The following CTNND2 variants were observed in gnomAD, a reference collection of about 807,000 sequenced individuals.
The protein encoded by CTNND2 is catenin delta-2.
A neutral mutation model predicts 144.4 loss-of-function variants in CTNND2; 22 were observed. The observed-to-expected ratio is 0.15, with a 90% CI of 0.11 to 0.22. CTNND2 has a LOEUF of 0.22. Ranked by LOEUF, CTNND2 falls within the 10% of genes least tolerant of loss-of-function variation. The pLI, the probability that CTNND2 is intolerant of heterozygous loss-of-function variation, is 1.00. For synonymous variants in CTNND2, 751 were observed against 695.6 expected (o/e 1.08, Z -1.25); for missense variants, 1,353 against 1,618.8 (o/e 0.84, Z 2.82).
intron 9 of CTNND2, among the ~76,000 whole-genome samples, chr5:11,238,354 C>T (rs1219799184): frequency 6.6e-6 from 1 of 152,180 alleles, no homozygotes; most frequent in African/African-American, 2.4e-5. Context: ...CTCTATTCCT[C>T]ATGAAACAAC....
chr5:11,812,554 G>A (rs577854423), intron 1 of CTNND2, among the ~76,000 whole-genome samples: 2 of 152,152 alleles, frequency 1.3e-5, no homozygotes, highest in South Asian at 4.1e-4. Context: ...CACCACATTG[G>A]GGCAGTGATG....
chr5:11,114,166 C>T (rs1753310154), intron 13 of CTNND2, among the ~76,000 whole-genome samples: 1 of 152,190 alleles, frequency 6.6e-6, no homozygotes, highest in African/African-American at 2.4e-5. Context: ...TAAATCAGCT[C>T]AAACTTATTT....
chr5:11,279,818 G>A (rs1746935408), intron 9 of CTNND2, among the ~76,000 whole-genome samples: 1 of 152,186 alleles, frequency 6.6e-6, no homozygotes, highest in Admixed American at 6.5e-5. Flanking sequence ...GAGCAAGAGA[G>A]AGAGAGCATG....
chr5:11,903,724 G>C lies in CTNND2; in HGVS notation c.37+93C>G. ...GCCGCCGCCGCCGCCTGCCGGCCGG[G>C]AGCCCAGGACCACCCCCACCAGCGG... is the stretch of plus-strand genomic sequence containing the variant. On this transcript the variant is annotated intron_variant, in intron 1 of 21. Coordinates refer to ENST00000304623, the MANE Select transcript of CTNND2 (RefSeq NM_001332.4). The surrounding 1 kb of genome is among the most constrained non-coding windows in gnomAD (Gnocchi z 5.4). 1 of 1,279,598 alleles carries C rather than the reference G, an allele frequency of 7.8e-7. No homozygotes were observed. Among genetic ancestry groups the C allele is most frequent in the Non-Finnish European group, 1.0e-6 (1 of 980,178 alleles). 79.3% of individuals were successfully genotyped at this position (1,279,598 alleles called of 1,614,324 possible). A position where few individuals can be genotyped will look rare whatever the true frequency, so the allele number is the denominator to read the frequency against.
chr5:11,537,485 T>C (rs1300863736), intron 3 of CTNND2, among the ~76,000 whole-genome samples: 2 of 152,200 alleles, frequency 1.3e-5, no homozygotes, highest in South Asian at 2.1e-4. Flanking sequence ...GTTCAACTCA[T>C]AGTTTTGAAA....
At chr5:11,880,303 G>A (rs928055034) in intron 1 of CTNND2, among the ~76,000 whole-genome samples, 5 of 151,878 alleles carry the variant, frequency 3.3e-5, no homozygotes, top group South Asian at 2.1e-4. Flanking sequence ...CATAATAAAC[G>A]GAAAACAAAA....
chr5:11,395,355 A>G (rs764647921), intron 6 of CTNND2, among the ~76,000 whole-genome samples: 3 of 152,208 alleles, frequency 2.0e-5, no homozygotes, highest in Non-Finnish European at 2.9e-5. Context: ...ATATTCCACA[A>G]TGGTTTCCCT....
intron 1 of CTNND2, among the ~76,000 whole-genome samples, chr5:11,775,066 C>T (rs765639934): frequency 6.6e-6 from 1 of 151,990 alleles, no homozygotes; most frequent in Non-Finnish European, 1.5e-5. Context: ...GGGGGCGGTG[C>T]GGGCAAGAAG....
chr5:11,663,616 T>C (rs541185410), intron 2 of CTNND2, among the ~76,000 whole-genome samples: 1 of 152,254 alleles, frequency 6.6e-6, no homozygotes, highest in South Asian at 2.1e-4. Context: ...AAATACTCTA[T>C]TCCACAGCAG....
chr5:11,075,153 G>A (rs1029499892), intron 16 of CTNND2, among the ~76,000 whole-genome samples: 4 of 152,184 alleles, frequency 2.6e-5, no homozygotes, highest in South Asian at 4.1e-4. Context: ...GCTGTGTAGC[G>A]CCCTTCCCTT....
intron 3 of CTNND2, among the ~76,000 whole-genome samples, chr5:11,515,337 C>A (rs1772067440): frequency 6.6e-6 from 1 of 152,142 alleles, no homozygotes; most frequent in South Asian, 2.1e-4. Flanking sequence ...TTTCTGCTGA[C>A]AAGACCACAG....
intron 19 of CTNND2, among the ~76,000 whole-genome samples, chr5:10,989,432 C>T (rs759112885): frequency 6.6e-6 from 1 of 152,188 alleles, no homozygotes; most frequent in African/African-American, 2.4e-5. Flanking sequence ...TTTTCAGTGA[C>T]GGGCTTCAGA....
chr5:11,692,507 G>A (rs564926116), intron 2 of CTNND2, among the ~76,000 whole-genome samples: 1 of 152,342 alleles, frequency 6.6e-6, no homozygotes, highest in South Asian at 2.1e-4. Context: ...CCACGTCTGA[G>A]GAGAGTCTGA....
chr5:11,624,931 G>A (rs2126443532), intron 2 of CTNND2, among the ~76,000 whole-genome samples: 1 of 152,008 alleles, frequency 6.6e-6, no homozygotes, highest in Admixed American at 6.6e-5. Flanking sequence ...AATGTAACTT[G>A]TGGTTTATAT....
intron 5 of CTNND2, among the ~76,000 whole-genome samples, chr5:11,401,865 C>A (rs777577508): frequency 6.6e-6 from 1 of 152,050 alleles, no homozygotes; most frequent in Admixed American, 6.6e-5. Context: ...AATTTGAACA[C>A]CTAAGGAGAT....
intron 2 of CTNND2, chr5:11,588,706 G>A (rs364327): frequency 0.8 from 764,161 of 956,536 alleles, 306,481 homozygotes; most frequent in African/African-American, 0.89. Flanking sequence ...AAAACCAAAC[G>A]CGGTTAGTTT....
intron 12 of CTNND2, among the ~76,000 whole-genome samples, chr5:11,127,925 T>C (rs1754843257): frequency 1.3e-5 from 2 of 150,906 alleles, no homozygotes; most frequent in Admixed American, 6.6e-5. Context: ...TGTGACTCTT[T>C]GGAGGCCAGA....
chr5:11,295,472 G>GA (rs1408114003), intron 9 of CTNND2, among the ~76,000 whole-genome samples: 1 of 152,088 alleles, frequency 6.6e-6, no homozygotes, highest in Admixed American at 6.5e-5. Context: ...CACAGAATTG[G>GA]AAAAAACTAC....
intron 18 of CTNND2, among the ~76,000 whole-genome samples, chr5:11,000,470 G>A (rs1233506852): frequency 2.6e-5 from 4 of 152,150 alleles, no homozygotes; most frequent in Non-Finnish European, 5.9e-5. Flanking sequence ...GCAGTGAGCC[G>A]AGATTGTGCC....
Sources: gnomAD v4.1 joint callset for allele counts (sites outside exome capture counted in the v4.1 genomes callset) on GRCh38, gnomAD v4.1.1 for gene constraint, Gnocchi (gnomAD v3.1) non-coding constraint, MANE v1.5 for transcripts, NCBI Gene and HGNC (gene_info 2026-07-23, HGNC 2026-07-21) for gene names.